Variants in SLC4A4 observed in about 807,000 individuals in gnomAD.
The protein encoded by SLC4A4 is solute carrier family 4 member 4.
SLC4A4 carries 27 observed loss-of-function variants against 111.5 expected under a neutral mutation model. That is an observed-to-expected ratio of 0.24 (90% CI 0.18 to 0.33). The LOEUF (loss-of-function observed/expected upper bound fraction) is 0.33. Among genes scored for constraint, SLC4A4 ranks in the 10% least tolerant of loss-of-function variants. SLC4A4 has a pLI of 1.00. For synonymous variants in SLC4A4, 443 were observed against 463.4 expected (o/e 0.96, Z 0.57); for missense variants, 909 against 1,315.5 (o/e 0.69, Z 4.78).
chr4:71,168,001 AT>A (rs1454221760), intron 2 of SLC4A4, among the ~76,000 whole-genome samples: 3 of 151,606 alleles, frequency 2.0e-5, no homozygotes, highest in Admixed American at 2.0e-4. Context: ...GAAATTATTT[AT>A]TTGTTTTTTT....
At chr4:71,366,019 G>C (rs889345737) in intron 6 of SLC4A4, among the ~76,000 whole-genome samples, 11 of 151,752 alleles carry the variant, frequency 7.2e-5, no homozygotes, top group Non-Finnish European at 5.9e-5. Flanking sequence ...GGCTCTGGAG[G>C]CCATTCTACA....
intron 1 of SLC4A4, among the ~76,000 whole-genome samples, chr4:71,230,521 T>C (rs1027880292): frequency 1.5e-4 from 23 of 152,292 alleles, no homozygotes; most frequent in African/African-American, 5.1e-4. Context: ...CCGGATGTCA[T>C]AAACAGACCA....
intron 3 of SLC4A4, among the ~76,000 whole-genome samples, chr4:71,329,198 T>A (rs1010462056): frequency 1.3e-5 from 2 of 152,112 alleles, no homozygotes; most frequent in African/African-American, 4.8e-5. Flanking sequence ...TTTATGGCAG[T>A]ACTCTGTTGT....
intron 3 of SLC4A4, among the ~76,000 whole-genome samples, chr4:71,262,304 A>T (rs1721916067): frequency 6.6e-6 from 1 of 152,144 alleles, no homozygotes; most frequent in Non-Finnish European, 1.5e-5. Flanking sequence ...ATAAATGCAG[A>T]AGTAGTTGGG....
At chr4:71,142,634 C>G (rs1001272987) in intron 2 of SLC4A4, among the ~76,000 whole-genome samples, 2 of 152,092 alleles carry the variant, frequency 1.3e-5, no homozygotes, top group African/African-American at 4.8e-5. Flanking sequence ...GGAAATTCAC[C>G]AACCTGAGTC....
intron 6 of SLC4A4, among the ~76,000 whole-genome samples, chr4:71,378,023 T>G (rs1289889325): frequency 6.6e-6 from 1 of 152,112 alleles, no homozygotes; most frequent in African/African-American, 2.4e-5. Context: ...CCATCAGATC[T>G]CGTAAGACTT....
intron 3 of SLC4A4, among the ~76,000 whole-genome samples, chr4:71,285,789 A>T (rs1357003702): frequency 6.6e-6 from 1 of 152,192 alleles, no homozygotes; most frequent in African/African-American, 2.4e-5. Flanking sequence ...TTAAAATGTC[A>T]TCTAATCTGT....
At chr4:71,549,195 G>A (rs1446328817) in intron 20 of SLC4A4, among the ~76,000 whole-genome samples, 1 of 151,910 alleles carries the variant, frequency 6.6e-6, no homozygotes, top group Admixed American at 6.6e-5. Flanking sequence ...CAAGTTATGG[G>A]ATAAGTGTGA....
intron 3 of SLC4A4, among the ~76,000 whole-genome samples, chr4:71,331,605 T>A: frequency 7.2e-6 from 1 of 139,704 alleles, no homozygotes; most frequent in African/African-American, 2.6e-5. Flanking sequence ...GGGGGAGGGA[T>A]AGCATTAGGA....
intron 2 of SLC4A4, among the ~76,000 whole-genome samples, chr4:71,237,332 C>A (rs896495188): frequency 6.6e-6 from 1 of 152,066 alleles, no homozygotes; most frequent in Admixed American, 6.5e-5. Context: ...TGATAGAAGG[C>A]AAAGCTGAAT....
rs552093683 is a variant in SLC4A4 at position 71,221,399 on chromosome 4, C to T, written c.-1-15177C>T. Reference sequence around the variant, plus strand: ...ACAAACAAGTGGCTAGAACCAAACACGGGATGTCATTCTTATGGCAAAGGA... The same window carrying T: ...ACAAACAAGTGGCTAGAACCAAACATGGGATGTCATTCTTATGGCAAAGGA... On this transcript the variant is annotated intron_variant, in intron 1 of 25. Transcript: ENST00000264485. Among the ~76,000 whole-genome samples the T allele has an allele frequency of 3.2e-4, 48 of 152,280 alleles. 1 individual carries two copies. Among genetic ancestry groups the T allele is most frequent in the African/African-American group, 9.1e-4 (38 of 41,562 alleles).
chr4:71,241,318 A>G (rs948803118), intron 2 of SLC4A4, among the ~76,000 whole-genome samples: 2 of 152,082 alleles, frequency 1.3e-5, no homozygotes, highest in Non-Finnish European at 2.9e-5. Flanking sequence ...GCTTTATCAA[A>G]CTTTTTCATT....
chr4:71,486,189 A>T (rs1285016707), intron 14 of SLC4A4, among the ~76,000 whole-genome samples: 3 of 151,580 alleles, frequency 2.0e-5, no homozygotes, highest in Non-Finnish European at 4.4e-5. Context: ...TTTATAATAC[A>T]TAAAGCTTTG....
At chr4:71,300,269 A>G (rs953016262) in intron 3 of SLC4A4, 2 of 210,634 alleles carry the variant, frequency 9.5e-6, no homozygotes, top group Non-Finnish European at 2.0e-5. Flanking sequence ...AGCGTCTGCC[A>G]TAGCACGGGC....
intron 22 of SLC4A4, among the ~76,000 whole-genome samples, chr4:71,558,208 A>G (rs13143508): frequency 6.6e-6 from 1 of 152,088 alleles, no homozygotes; most frequent in East Asian, 1.9e-4. Flanking sequence ...AGCATGTAGC[A>G]CAATGCCTGA....
intron 2 of SLC4A4, 132 bp downstream of exon 2, chr4:71,236,781 C>A: frequency 2.6e-6 from 2 of 771,240 alleles, no homozygotes; most frequent in Non-Finnish European, 4.3e-6. Context: ...TTTCATCAAT[C>A]TCTACATTTG....
intron 3 of SLC4A4, among the ~76,000 whole-genome samples, chr4:71,292,321 A>G (rs1724420496): frequency 1.3e-5 from 2 of 152,222 alleles, no homozygotes; most frequent in South Asian, 4.1e-4. Flanking sequence ...CCTTTAGCTC[A>G]GTTTTATGTT....
At chr4:71,087,456 GTGT>G (rs1207750509) in intron 1 of SLC4A4, among the ~76,000 whole-genome samples, 1 of 151,980 alleles carries the variant, frequency 6.6e-6, no homozygotes, top group African/African-American at 2.4e-5. Flanking sequence ...GCTTTGGAAT[GTGT>G]TTACTCTTGC....
intron 1 of SLC4A4, among the ~76,000 whole-genome samples, chr4:71,063,394 T>C (rs2148926903): frequency 6.6e-6 from 1 of 152,184 alleles, no homozygotes; most frequent in African/African-American, 2.4e-5. Flanking sequence ...ATTATTTTAT[T>C]ACAATTCTAG....
Sources: allele counts gnomAD v4.1 joint callset (sites outside exome capture counted in the v4.1 genomes callset), GRCh38; gene constraint gnomAD v4.1.1; transcripts MANE v1.5; gene names NCBI Gene and HGNC (gene_info 2026-07-23, HGNC 2026-07-21).